The following ABR variants were observed in gnomAD, a reference collection of about 807,000 sequenced individuals.
The protein encoded by ABR is ABR activator of RhoGEF and GTPase.
A neutral mutation model predicts 107.2 loss-of-function variants in ABR; 35 were observed. That is an observed-to-expected ratio of 0.33 (90% CI 0.25 to 0.43). The LOEUF is 0.43. ABR is among the 20% of genes least tolerant of loss of function. ABR has a pLI of 1.00. For synonymous variants in ABR, 498 were observed against 462.0 expected (o/e 1.08, Z -1.00); for missense variants, 815 against 1,115.2 (o/e 0.73, Z 3.83).
rs188875054 is a variant in ABR at position 1,195,239 on chromosome 17, G to A, written c.838+33554C>T. Among the ~76,000 whole-genome samples, 99 of 142,470 alleles carry A rather than the reference G, an allele frequency of 6.9e-4. 3 individuals carry two copies. The Middle Eastern group carries it at 0.011, about 16-fold the overall frequency. 93.5% of individuals were successfully genotyped at this position (142,470 alleles called of 152,430 possible). A position where few individuals can be genotyped will look rare whatever the true frequency, so the allele number is the denominator to read the frequency against. Reference sequence around the variant, plus strand: ...GGAGAATGGCGTGAACCCGGAAGGCGGAGCTTGCAGTGAGCGGAGATCGCG... The same window carrying A: ...GGAGAATGGCGTGAACCCGGAAGGCAGAGCTTGCAGTGAGCGGAGATCGCG... On this transcript the variant is annotated intron_variant, in intron 1 of 22. Coordinates refer to the ABR transcript ENST00000574139.
intron 11 of ABR, among the ~76,000 whole-genome samples, chr17:1,058,251 T>C (rs949874451): frequency 6.7e-6 from 1 of 149,432 alleles, no homozygotes; most frequent in Non-Finnish European, 1.5e-5. Flanking sequence ...GCCAATCTCC[T>C]GCCTCAGCCT....
intron 16 of ABR, among the ~76,000 whole-genome samples, chr17:1,045,062 C>A (rs182758903): frequency 6.6e-6 from 1 of 152,316 alleles, no homozygotes; most frequent in Admixed American, 6.5e-5. Flanking sequence ...CTGATTAAAT[C>A]TACATAAAAA....
intron 13 of ABR, among the ~76,000 whole-genome samples, chr17:1,056,782 CA>C (rs1158535774): frequency 6.6e-6 from 1 of 152,200 alleles, no homozygotes; most frequent in Non-Finnish European, 1.5e-5. Flanking sequence ...TCTCCCAAGC[CA>C]GACAGAGGGG....
intron 1 of ABR, among the ~76,000 whole-genome samples, chr17:1,193,725 C>T (rs2042486618): frequency 6.6e-6 from 1 of 152,194 alleles, no homozygotes; most frequent in African/African-American, 2.4e-5. Flanking sequence ...CCTCTGTCCC[C>T]CAGGCTGGAG....
intron 9 of ABR, among the ~76,000 whole-genome samples, chr17:1,069,297 T>G (rs1228078949): frequency 2.0e-5 from 3 of 152,200 alleles, no homozygotes; most frequent in African/African-American, 7.2e-5. Context: ...ATTATCTTTA[T>G]AATTAAAAAC....
intron 16 of ABR, among the ~76,000 whole-genome samples, chr17:1,015,871 T>C (rs2071116561): frequency 6.6e-6 from 1 of 152,220 alleles, no homozygotes; most frequent in Non-Finnish European, 1.5e-5. Flanking sequence ...TAGGGTATTA[T>C]TTTTTGCTAG....
intron 2 of ABR, among the ~76,000 whole-genome samples, chr17:1,109,281 G>A (rs2038498581): frequency 1.3e-5 from 2 of 151,850 alleles, no homozygotes; most frequent in Admixed American, 1.3e-4. Context: ...GCGAAAGGGG[G>A]AGCAAGGCCC....
At chr17:1,031,791 T>TCAGTCCCGGCTGC (rs1220446146) in intron 16 of ABR, 1 of 1,207,460 alleles carries the variant, frequency 8.3e-7, no homozygotes, top group Non-Finnish European at 1.0e-6. Context: ...TGTGGAGCGC[T>TCAGTCCCGGCTGC]CAGTCCCGGC....
intron 10 of ABR, among the ~76,000 whole-genome samples, chr17:1,059,690 G>C (rs2033711565): frequency 6.6e-6 from 1 of 152,174 alleles, no homozygotes; most frequent in Non-Finnish European, 1.5e-5. Flanking sequence ...GTTTCTGTCT[G>C]TTTCGTAAAG....
intron 2 of ABR, chr17:1,115,409 T>G (rs1277698941): frequency 3.3e-5 from 5 of 152,374 alleles, no homozygotes; most frequent in Admixed American, 6.5e-5. Flanking sequence ...CCAGCTTTCC[T>G]GGCAGAAACT....
At chr17:1,225,308 G>A (rs535445412) in intron 1 of ABR, among the ~76,000 whole-genome samples, 60 of 152,088 alleles carry the variant, frequency 3.9e-4, no homozygotes, top group Middle Eastern at 3.4e-3. Flanking sequence ...CATGCACCAC[G>A]GAAAACCAAA....
intron 5 of ABR, among the ~76,000 whole-genome samples, chr17:1,082,148 C>T (rs1364798651): frequency 6.6e-6 from 1 of 152,076 alleles, no homozygotes; most frequent in African/African-American, 2.4e-5. Context: ...GGGGCCTTTA[C>T]GGCAGGACTC....
At chr17:1,012,410 C>A (rs955995268) in intron 18 of ABR, 2 of 672,156 alleles carry the variant, frequency 3.0e-6, no homozygotes, top group South Asian at 1.5e-5. Flanking sequence ...CAAACGTAGG[C>A]CCCCGGCTGA....
At chr17:1,144,245 C>A (rs541040155) in intron 1 of ABR, among the ~76,000 whole-genome samples, 3 of 152,202 alleles carry the variant, frequency 2.0e-5, no homozygotes, top group East Asian at 3.9e-4. Context: ...TGCCATGATA[C>A]GACGAAAGCT....
chr17:1,103,288 C>T (rs565761361), intron 2 of ABR, among the ~76,000 whole-genome samples: 4 of 152,130 alleles, frequency 2.6e-5, no homozygotes, highest in Admixed American at 6.6e-5. Context: ...CTCCAGCACA[C>T]GTAGCCCCGG....
chr17:1,013,920 G>A (rs981817319), intron 16 of ABR, among the ~76,000 whole-genome samples: 7 of 152,292 alleles, frequency 4.6e-5, no homozygotes, highest in Non-Finnish European at 7.4e-5. Flanking sequence ...GGGCCTTCGC[G>A]CCCGTCTGCC....
chr17:1,224,386 A>G (rs1567904740), intron 1 of ABR, among the ~76,000 whole-genome samples: 1 of 152,210 alleles, frequency 6.6e-6, no homozygotes, highest in South Asian at 2.1e-4. Context: ...TCTGCCCCTC[A>G]TCTAAAAGGA....
chr17:1,078,898 G>A lies in ABR; in HGVS notation c.700+432C>T, dbSNP rs1185775521. The A allele has an allele frequency of 2.9e-5, 44 of 1,534,646 alleles. No homozygotes were observed. In the Middle Eastern group the frequency reaches 5.0e-4, roughly 17 times the overall value. ...CCCGCGGCGGGAGCGTGCAGCCATC[G>A]CTCCAGGCTCCCCGGCGCCCACCAG... On this transcript the variant is annotated intron_variant, in intron 6 of 22. Coordinates refer to ENST00000302538, the MANE Select transcript of ABR (RefSeq NM_021962.5). The surrounding 1 kb of genome is among the most constrained non-coding windows in gnomAD (Gnocchi z 7.5).
At chr17:1,167,111 C>A (rs2041542679) in intron 1 of ABR, among the ~76,000 whole-genome samples, 1 of 152,224 alleles carries the variant, frequency 6.6e-6, no homozygotes, top group South Asian at 2.1e-4. Flanking sequence ...CCCCGTGATA[C>A]CCCAGTGATT....
Sources: gnomAD v4.1 joint callset for allele counts (sites outside exome capture counted in the v4.1 genomes callset) on GRCh38, gnomAD v4.1.1 for gene constraint, Gnocchi (gnomAD v3.1) non-coding constraint, MANE v1.5 for transcripts, NCBI Gene and HGNC (gene_info 2026-07-23, HGNC 2026-07-21) for gene names.